Variants in UBA5 observed in about 807,000 individuals in gnomAD.
UBA5 encodes ubiquitin like modifier activating enzyme 5.
UBA5 carries 28 observed loss-of-function variants against 52.9 expected under a neutral mutation model. The observed-to-expected ratio is 0.53, with a 90% confidence interval of 0.39 to 0.73. The LOEUF is 0.73. Among genes scored for constraint, UBA5 ranks in the 30% least tolerant of loss-of-function variants. UBA5 has a pLI of 0.00. For missense variants in UBA5, 388 were observed against 492.7 expected (o/e 0.79, Z 2.01); for synonymous variants, 135 against 162.1 (o/e 0.83, Z 1.27).
At chr3:132,668,616 C>T (rs1222547555) in intron 3 of UBA5, 1 of 358,348 alleles carries the variant, frequency 2.8e-6, no homozygotes, top group African/African-American at 2.1e-5. Flanking sequence ...GTAGTTGCCT[C>T]ATTTTAAAAA....
At chr3:132,657,619 T>C (rs535855315), upstream of UBA5, among the ~76,000 whole-genome samples, 13 of 152,326 alleles carry the variant, frequency 8.5e-5, no homozygotes, top group South Asian at 2.7e-3. Flanking sequence ...ATCATTTCTC[T>C]ACAAAGGTAT....
At chr3:132,671,606 A>AG (rs1337818317) in intron 6 of UBA5, among the ~76,000 whole-genome samples, 171 bp from the exon 7 acceptor site, 2 of 152,146 alleles carry the variant, frequency 1.3e-5, no homozygotes, top group Non-Finnish European at 2.9e-5. Context: ...TCTACTCTTT[A>AG]AATAGAGTAT....
In UBA5 at chr3:132,676,538, G is replaced by A. The variant is rs1938847830; in HGVS notation, c.*12G>A. 4 of 1,578,566 alleles carry A rather than the reference G, an allele frequency of 2.5e-6. No homozygotes were observed. In the South Asian group the frequency reaches 4.7e-5, roughly 18 times the overall value. On this transcript the variant is annotated 3_prime_UTR_variant, in exon 12 of 12. Coordinates refer to ENST00000356232, the MANE Select transcript of UBA5 (RefSeq NM_024818.6). This position sits in a 1 kb window ranked among gnomAD's most constrained non-coding sequence, Gnocchi z 4.1. ...TGAAGAATATGTAGATAATGGACTGGGATATATTGTATTTCTCATGTTAAA... is the reference window on the plus strand; with the variant it reads ...TGAAGAATATGTAGATAATGGACTGAGATATATTGTATTTCTCATGTTAAA...
At chr3:132,669,360 G>A (rs759157820) in intron 4 of UBA5, among the ~76,000 whole-genome samples, 4 of 151,976 alleles carry the variant, frequency 2.6e-5, no homozygotes, top group Middle Eastern at 3.2e-3. Context: ...TCCGCCTCCC[G>A]GGCTCAAGCT....
chr3:132,668,835 T>G lies in UBA5; in HGVS notation c.315T>G (p.Tyr105Ter), dbSNP rs1470501689. The G allele has an allele frequency of 6.2e-7, 1 of 1,605,228 alleles. No homozygotes were observed. Among genetic ancestry groups the G allele is most frequent in the Non-Finnish European group, 8.5e-7 (1 of 1,177,382 alleles). Residue 105 changes from tyrosine to a stop codon, truncating the protein, a stop_gained, in exon 4 of 12, where the codon TAT (tyrosine) becomes TAG (stop). Transcript: ENST00000356232. LOFTEE classifies it high-confidence loss of function. ...CGIGKLLLFD[Y>*]DKVELANMNR... The stretch of plus-strand genomic sequence containing the variant: ...CATTTTAGTTGCTACTCTTTGATTA[T>G]GACAAGGTGGAACTAGCCAATATGA...
At chr3:132,669,433 A>AT (rs1183706039) in intron 4 of UBA5, among the ~76,000 whole-genome samples, 1 of 151,968 alleles carries the variant, frequency 6.6e-6, no homozygotes, top group Non-Finnish European at 1.5e-5. Flanking sequence ...TGCCTGGCTA[A>AT]TGTTTTGCAT....
chr3:132,666,104 G>T, intron 3 of UBA5, 31 bp downstream of exon 3: 1 of 1,583,748 alleles, frequency 6.3e-7, no homozygotes, highest in South Asian at 1.1e-5. Context: ...CTGTCATATA[G>T]GGAACTACTC....
chr3:132,660,917 C>CT lies in UBA5; in HGVS notation c.161+220dup. The CT allele has an allele frequency of 1.3e-6, 2 of 1,481,940 alleles. No individual in the cohort carries two copies. Among genetic ancestry groups the CT allele is most frequent in the Non-Finnish European group, 1.8e-6 (2 of 1,118,826 alleles). 91.8% of individuals were successfully genotyped at this position (1,481,940 alleles called of 1,614,324 possible). On this transcript the variant is annotated intron_variant, in intron 1 of 11. Coordinates refer to ENST00000356232, the MANE Select transcript of UBA5 (RefSeq NM_024818.6). This position sits in a 1 kb window ranked among gnomAD's most constrained non-coding sequence, Gnocchi z 4.1. ...CCTCCAGTGAGTCAGCCATATGGTG[C>CT]TGCTCCTGTGCCTGCTGAGGACGTG...
At chr3:132,657,713 A>G (rs1003454098), upstream of UBA5, among the ~76,000 whole-genome samples, 8 of 152,186 alleles carry the variant, frequency 5.3e-5, no homozygotes, top group African/African-American at 1.9e-4. Context: ...GCTAAAGTAG[A>G]GAAATGCAGT....
chr3:132,674,109 T>G (rs985060132), intron 8 of UBA5, among the ~76,000 whole-genome samples: 27 of 152,210 alleles, frequency 1.8e-4, no homozygotes, highest in African/African-American at 4.8e-4. Flanking sequence ...ATCATCAAAC[T>G]CTGTAATCTG....
At chr3:132,658,334 C>T (rs1937930388), upstream of UBA5, among the ~76,000 whole-genome samples, 1 of 152,146 alleles carries the variant, frequency 6.6e-6, no homozygotes, top group Admixed American at 6.5e-5. Flanking sequence ...GCTTATACAA[C>T]ATTTCTGGAA....
At position 132,678,777 on chromosome 3, in the gene UBA5, G is replaced by A. The variant is rs1022848079; in HGVS notation, c.*2251G>A. 4.6e-5 allele frequency among the ~76,000 whole-genome samples: 7 copies of A among 151,916 alleles called. No homozygotes were observed. Among genetic ancestry groups the A allele is most frequent in the African/African-American group, 1.7e-4 (7 of 41,394 alleles). On this transcript the variant is annotated 3_prime_UTR_variant, in exon 12 of 12. Transcript: ENST00000356232. ...CGATTCTCCTGCCTCAGCCTCCCAA[G>A]TAGCTGGGATTACAGGTGCCCGCCA...
intron 8 of UBA5, among the ~76,000 whole-genome samples, chr3:132,672,613 A>G (rs986053673): frequency 6.6e-6 from 1 of 152,176 alleles, no homozygotes; most frequent in Non-Finnish European, 1.5e-5. Flanking sequence ...AAAATAAACC[A>G]ATGTGACTAA....
chr3:132,669,959 C>A (rs1281131122), intron 4 of UBA5, among the ~76,000 whole-genome samples: 1 of 152,178 alleles, frequency 6.6e-6, no homozygotes, highest in Non-Finnish European at 1.5e-5. Flanking sequence ...ATGTTAAATG[C>A]CCTTTAGCTC....
In UBA5 at chr3:132,665,973, A is replaced by G. The variant is rs755105199; in HGVS notation, c.208-11A>G. On this transcript the variant is annotated splice_polypyrimidine_tract_variant and intron_variant, in intron 2 of 11. Transcript: ENST00000356232. Reference sequence around the variant, plus strand: ...GCTATTAACCAACATATACTATTTTATATTTCACAGAAAATCCGTACCTTT... The same window carrying G: ...GCTATTAACCAACATATACTATTTTGTATTTCACAGAAAATCCGTACCTTT... 2 of 1,613,014 alleles carry G rather than the reference A, an allele frequency of 1.2e-6. No homozygotes were observed. The highest frequency in any genetic ancestry group is 1.1e-5 in the South Asian group (1 of 91,054).
intron 3 of UBA5, chr3:132,667,274 A>T (rs889390002): frequency 2.0e-5 from 3 of 152,230 alleles, no homozygotes; most frequent in African/African-American, 7.2e-5. Context: ...ATCTCTAACA[A>T]GCTTCAGGTG....
In UBA5 at chr3:132,678,594, C is replaced by G. The variant is rs1362174635; in HGVS notation, c.*2068C>G. 6.6e-6 allele frequency among the ~76,000 whole-genome samples: 1 copy of G among 152,124 alleles called. No homozygotes were observed. Among genetic ancestry groups the G allele is most frequent in the South Asian group, 2.1e-4 (1 of 4,830 alleles). ...TAGTTTCTTCTCATAAAAATACTCCCTGGATACGTACACTGAACAACACAA... is the reference window on the plus strand; with the variant it reads ...TAGTTTCTTCTCATAAAAATACTCCGTGGATACGTACACTGAACAACACAA... On this transcript the variant is annotated 3_prime_UTR_variant, in exon 12 of 12. Coordinates refer to ENST00000356232, the MANE Select transcript of UBA5 (RefSeq NM_024818.6).
upstream of UBA5, among the ~76,000 whole-genome samples, chr3:132,657,866 C>CTTTTTTTTTTTTTTTTTTTTTTTT (rs56190801): frequency 8.4e-6 from 1 of 119,166 alleles, no homozygotes; most frequent in African/African-American, 3.1e-5. Context: ...ACACATATTC[C>CTTTTTTTTTTTTTTTTTTTTTTTT]TTTTTTTTTT....
At chr3:132,673,665 C>CT (rs35066291) in intron 8 of UBA5, among the ~76,000 whole-genome samples, 32,624 of 141,372 alleles carry the variant, frequency 0.23, 4,922 homozygotes, top group East Asian at 0.57. Flanking sequence ...TTCTATAGTA[C>CT]TTTTTTTTTT....
Sources: gnomAD v4.1 joint callset for allele counts (sites outside exome capture counted in the v4.1 genomes callset) on GRCh38, gnomAD v4.1.1 for gene constraint, Gnocchi (gnomAD v3.1) non-coding constraint, MANE v1.5 for transcripts, NCBI Gene and HGNC (gene_info 2026-07-23, HGNC 2026-07-21) for gene names.